The following ADGRV1 variants were observed in gnomAD, a reference collection of about 807,000 sequenced individuals.
ADGRV1 encodes G-protein coupled receptor 98.
In ADGRV1, 359 loss-of-function variants were observed where a neutral mutation model predicts 596.2. The observed-to-expected ratio is 0.60, with a 90% CI of 0.55 to 0.66. The LOEUF (loss-of-function observed/expected upper bound fraction) is 0.66, where lower values mean the gene tolerates loss of function less well. Among genes scored for constraint, ADGRV1 ranks in the 30% least tolerant of loss-of-function variants. The pLI is 0.00. For missense variants in ADGRV1, 7,274 were observed against 7,575.6 expected (o/e 0.96, Z 1.48); for synonymous variants, 2,681 against 2,679.2 (o/e 1.00, Z -0.02).
chr5:91,097,746 GT>G (rs202015386), intron 86 of ADGRV1, among the ~76,000 whole-genome samples: 1 of 150,334 alleles, frequency 6.7e-6, no homozygotes, highest in Non-Finnish European at 1.5e-5. Context: ...ACTATTTCTT[GT>G]TTTTTTGATA....
intron 21 of ADGRV1, among the ~76,000 whole-genome samples, chr5:90,664,432 A>T (rs1034444209): frequency 1.3e-5 from 2 of 151,972 alleles, no homozygotes; most frequent in African/African-American, 4.8e-5. Context: ...GTTGGTGTAT[A>T]AGAATGCTTG....
intron 83 of ADGRV1, among the ~76,000 whole-genome samples, chr5:90,882,930 T>C (rs1421808312): frequency 6.7e-6 from 1 of 148,866 alleles, no homozygotes; most frequent in Non-Finnish European, 1.5e-5. Context: ...ACAAAATGTC[T>C]GTGACCATAT....
At chr5:90,741,384 A>ATTC (rs3045851) in intron 50 of ADGRV1, among the ~76,000 whole-genome samples, 36 of 151,778 alleles carry the variant, frequency 2.4e-4, no homozygotes, top group African/African-American at 8.0e-4. Flanking sequence ...CTTATCATTC[A>ATTC]ACAAGTGATT....
intron 21 of ADGRV1, among the ~76,000 whole-genome samples, chr5:90,658,858 G>A (rs2149482620): frequency 6.6e-6 from 1 of 152,196 alleles, no homozygotes; most frequent in Middle Eastern, 3.4e-3. Context: ...TTCCTGTTCA[G>A]TAATGTGAGA....
At chr5:90,934,581 G>T (rs1775521533) in intron 83 of ADGRV1, among the ~76,000 whole-genome samples, 1 of 152,084 alleles carries the variant, frequency 6.6e-6, no homozygotes, top group Admixed American at 6.6e-5. Context: ...CCTTGTCCAT[G>T]GGTATCATGT....
At chr5:90,630,363 A>G (rs1765347780) in intron 9 of ADGRV1, 1 of 152,094 alleles carries the variant, frequency 6.6e-6, no homozygotes, top group African/African-American at 2.4e-5. Flanking sequence ...GTCTAGGTAG[A>G]CTCTCTGGAC....
chr5:90,645,863 G>A, intron 15 of ADGRV1, 105 bp from the exon 16 acceptor site: 1 of 799,714 alleles, frequency 1.3e-6, no homozygotes, highest in Non-Finnish European at 1.7e-6. Flanking sequence ...ATGAATAATG[G>A]TAGTGTTAAT....
At position 90,694,657 on chromosome 5, in the gene ADGRV1, G is replaced by T. The variant is rs1746948973; in HGVS notation, c.7901G>T (p.Gly2634Val). The T allele has an allele frequency of 1.2e-6, 2 of 1,610,900 alleles. No individual in the cohort carries two copies. Among genetic ancestry groups the T allele is most frequent in the South Asian group, 1.1e-5 (1 of 90,632 alleles). ...WRVVGGTATE[G>V]LDFIGAGEIL... Reference sequence around the variant, plus strand: ...GTTGTTGGTGGAACAGCTACTGAAGGTTTAGATTTTATAGGTGCTGGAGAG... The same window carrying T: ...GTTGTTGGTGGAACAGCTACTGAAGTTTTAGATTTTATAGGTGCTGGAGAG... The change falls in exon 33 of 90, where the codon GGT becomes GTT. Residue 2634 changes from glycine to valine, a missense_variant. Physicochemically the swap from Gly to Val is moderately radical, Grantham distance 109. This residue lies in a region of ADGRV1 where 3,643 missense variants were observed against 3,809.2 expected (regional missense o/e 0.96). Coordinates refer to ENST00000405460, the MANE Select transcript of ADGRV1 (RefSeq NM_032119.4).
In ADGRV1 at chr5:90,763,415, T is replaced by C. The variant is rs543546393; in HGVS notation, c.12231T>C (p.Asp4077=). The change falls in exon 59 of 90, where the codon GAT becomes GAC. Residue 4077 remains aspartate, a synonymous_variant. Coordinates refer to ENST00000405460, the MANE Select transcript of ADGRV1 (RefSeq NM_032119.4). The stretch of plus-strand genomic sequence containing the variant: ...CCGTCCGACTTGAGTGGACCATAGA[T>C]GAGAAGGCTAAACATAACCTTAGTC... ...KGTVRLEWTI[D]EKAKHNLSPL... is the part of the protein sequence containing the mutation. 6.2e-7 allele frequency: 1 copy of C among 1,613,802 alleles called. No individual in the cohort carries two copies. The highest frequency in any genetic ancestry group is 2.2e-5 in the East Asian group (1 of 44,878).
chr5:90,848,865 T>C, intron 79 of ADGRV1, 44 bp downstream of exon 79: 2 of 1,389,122 alleles, frequency 1.4e-6, no homozygotes, highest in South Asian at 2.8e-5. Flanking sequence ...TATGCATTTT[T>C]TTCACTGTTT....
chr5:90,599,417 C>A lies in ADGRV1; in HGVS notation c.23-15418C>A, dbSNP rs554001388. On this transcript the variant is annotated intron_variant, in intron 1 of 89. Transcript: ENST00000405460. ...TAAATGTTCTGATAGCTGTTATTAA[C>A]ATTTTTATCACTAAATACATCAGTC... Among the ~76,000 whole-genome samples the A allele has an allele frequency of 3.3e-5, 5 of 152,270 alleles. No homozygotes were observed. The South Asian group carries it at 1.0e-3, about 32-fold the overall frequency.
intron 1 of ADGRV1, among the ~76,000 whole-genome samples, chr5:90,597,822 T>C (rs972850323): frequency 6.6e-6 from 1 of 152,038 alleles, no homozygotes; most frequent in Admixed American, 6.6e-5. Flanking sequence ...GAAGCATAGA[T>C]GGTGGGTTAT....
intron 74 of ADGRV1, among the ~76,000 whole-genome samples, 164 bp from the exon 75 acceptor site, chr5:90,815,453 TCA>T (rs1275436032): frequency 6.6e-6 from 1 of 152,234 alleles, no homozygotes; most frequent in African/African-American, 2.4e-5. Context: ...CTTGATGTTA[TCA>T]CAGTTTAGTT....
chr5:90,979,180 T>C (rs1173909577), intron 84 of ADGRV1, among the ~76,000 whole-genome samples: 2 of 151,910 alleles, frequency 1.3e-5, no homozygotes, highest in Non-Finnish European at 2.9e-5. Context: ...TTTTTTTTTT[T>C]CTTTTTGAGA....
chr5:90,656,626 G>A (rs1769442816), intron 20 of ADGRV1, among the ~76,000 whole-genome samples: 2 of 152,138 alleles, frequency 1.3e-5, no homozygotes, highest in South Asian at 4.1e-4. Context: ...CTCTGTAGTC[G>A]GTATGGGAGC....
intron 85 of ADGRV1, among the ~76,000 whole-genome samples, chr5:91,041,254 T>C (rs1254868652): frequency 6.6e-6 from 1 of 152,142 alleles, no homozygotes; most frequent in Middle Eastern, 3.2e-3. Context: ...CCATCAGTGA[T>C]AGACTGGATA....
chr5:91,132,077 C>G (rs1348568159), intron 87 of ADGRV1, among the ~76,000 whole-genome samples: 1 of 152,112 alleles, frequency 6.6e-6, no homozygotes, highest in Admixed American at 6.6e-5. Flanking sequence ...TTATTTTTGT[C>G]AACTTTGTCA....
At chr5:91,031,495 G>A (rs1351244610) in intron 85 of ADGRV1, among the ~76,000 whole-genome samples, 1 of 152,176 alleles carries the variant, frequency 6.6e-6, no homozygotes, top group Non-Finnish European at 1.5e-5. Flanking sequence ...CCACCATAAA[G>A]TAAATCCCCT....
At chr5:91,138,621 C>T (rs901072577) in intron 87 of ADGRV1, among the ~76,000 whole-genome samples, 3 of 152,034 alleles carry the variant, frequency 2.0e-5, no homozygotes, top group Admixed American at 2.0e-4. Flanking sequence ...AGTATATATG[C>T]TGGAATTATT....
Sources: allele counts gnomAD v4.1 joint callset (sites outside exome capture counted in the v4.1 genomes callset), GRCh38; gene constraint gnomAD v4.1.1; regional missense constraint gnomAD v4.1.1; transcripts MANE v1.5; gene names NCBI Gene and HGNC (gene_info 2026-07-23, HGNC 2026-07-21).